The following RSF1 variants were observed in gnomAD, a reference collection of about 807,000 sequenced individuals.
RSF1 encodes HBV pX-associated protein 8.
Under a neutral mutation model 145.2 loss-of-function variants are expected in RSF1, and 13 were observed. The ratio of observed to expected loss-of-function variants is 0.09; its 90% CI spans 0.06 to 0.14. RSF1 has a LOEUF of 0.14. Among genes scored for constraint, RSF1 ranks in the 10% least tolerant of loss-of-function variants. The probability of loss-of-function intolerance (pLI) is 1.00; values close to 1 mark genes in which losing one functional copy is unlikely to be tolerated. For missense variants in RSF1, 1,517 were observed against 1,718.2 expected (o/e 0.88, Z 2.07); for synonymous variants, 577 against 592.6 (o/e 0.97, Z 0.38).
At chr11:77,808,108 C>A (rs1283245555) in intron 1 of RSF1, among the ~76,000 whole-genome samples, 1 of 151,984 alleles carries the variant, frequency 6.6e-6, no homozygotes, top group Non-Finnish European at 1.5e-5. Context: ...CCAAGGCAGG[C>A]GAATCACTTG....
intron 5 of RSF1, among the ~76,000 whole-genome samples, chr11:77,721,846 T>C (rs1960947485): frequency 6.6e-6 from 1 of 151,968 alleles, no homozygotes; most frequent in Non-Finnish European, 1.5e-5. Flanking sequence ...ATAAGAAACA[T>C]TTTGTTGTTA....
the RSF1 span, among the ~76,000 whole-genome samples, chr11:77,859,687 C>A: frequency 6.6e-6 from 1 of 152,180 alleles, no homozygotes; most frequent in African/African-American, 2.4e-5. Flanking sequence ...CATCAGTATA[C>A]AAGTTGAGGT....
At chr11:77,868,998 G>A in the RSF1 span, 479 of 322,284 alleles carry the variant, frequency 1.5e-3, 12 homozygotes, top group Non-Finnish European at 3.9e-4. Flanking sequence ...GGGTAATACC[G>A]TAGACTCTTC....
At chr11:77,808,680 C>T (rs1417997724) in intron 1 of RSF1, among the ~76,000 whole-genome samples, 1 of 134,716 alleles carries the variant, frequency 7.4e-6, no homozygotes, top group Admixed American at 7.7e-5. Context: ...ACTACAGGCG[C>T]CCGCCACTAC....
chr11:77,740,656 TAAC>T lies in RSF1; in HGVS notation c.578+72_578+74del. On this transcript the variant is annotated intron_variant, in intron 4 of 15. Coordinates refer to ENST00000308488, the MANE Select transcript of RSF1 (RefSeq NM_016578.4). ...CAAAAAACCACTTCTGTCTGATAGA[TAAC>T]ATCCTAGTTTTGAAACGAGATCAAT... 9 of 1,385,752 alleles carry T rather than the reference TAAC, an allele frequency of 6.5e-6. 1 individual carries two copies. In the South Asian group the frequency reaches 1.1e-4, roughly 17 times the overall value. 85.8% of individuals were successfully genotyped at this position (1,385,752 alleles called of 1,614,324 possible).
chr11:77,834,441 G>GTTTTT, the RSF1 span, among the ~76,000 whole-genome samples: 101 of 105,472 alleles, frequency 9.6e-4, 1 homozygote, highest in Non-Finnish European at 1.2e-3. Context: ...AGTTGATTTT[G>GTTTTT]TTTTTTTTTT....
At chr11:77,694,315 C>G (rs1222132792) in intron 7 of RSF1, among the ~76,000 whole-genome samples, 2 of 152,110 alleles carry the variant, frequency 1.3e-5, no homozygotes, top group Admixed American at 1.3e-4. Flanking sequence ...ATTTCAATTA[C>G]TTACCTGTAA....
chr11:77,791,653 T>C (rs1948518587), intron 1 of RSF1, among the ~76,000 whole-genome samples: 1 of 152,166 alleles, frequency 6.6e-6, no homozygotes, highest in Non-Finnish European at 1.5e-5. Context: ...CCCTAAATCA[T>C]TTCTCTAAAG....
intron 6 of RSF1, among the ~76,000 whole-genome samples, chr11:77,699,186 T>C (rs952547578): frequency 1.3e-5 from 2 of 152,198 alleles, no homozygotes; most frequent in Non-Finnish European, 2.9e-5. Flanking sequence ...TTCTCACATA[T>C]TTTCATGTAA....
intron 1 of RSF1, among the ~76,000 whole-genome samples, chr11:77,787,368 A>C (rs1948467376): frequency 6.6e-6 from 1 of 152,238 alleles, no homozygotes; most frequent in Non-Finnish European, 1.5e-5. Context: ...TTACATTATT[A>C]AATGGCTGAA....
chr11:77,834,914 A>G, the RSF1 span, among the ~76,000 whole-genome samples: 2 of 152,214 alleles, frequency 1.3e-5, no homozygotes, highest in African/African-American at 4.8e-5. Flanking sequence ...AGTGGAATAC[A>G]GAAGTTAAAA....
intron 2 of RSF1, among the ~76,000 whole-genome samples, chr11:77,748,512 G>A (rs938721195): frequency 6.6e-6 from 1 of 151,850 alleles, no homozygotes; most frequent in Admixed American, 6.6e-5. Context: ...TCCTCTGGCT[G>A]ACAGTGTTAC....
At position 77,692,233 on chromosome 11, in the gene RSF1, ATTTTTTTTTTTTTT is replaced by A. The variant is rs71046904; in HGVS notation, c.2821-1009_2821-996del. Among the ~76,000 whole-genome samples, 251 of 49,484 alleles carry A rather than the reference ATTTTTTTTTTTTTT, an allele frequency of 5.1e-3. 39 individuals carry two copies. The highest frequency in any genetic ancestry group is 0.031 in the African/African-American group (243 of 7,854). The allele number at this position is 49,484 out of a possible 152,430, so 32.5% of individuals were successfully genotyped here. ...AAAAAATAATTATTACTACTTTTAA[ATTTTTTTTTTTTTT>A]TTTTTTTTTTTTTTTGAGACGGAGT... is the stretch of plus-strand genomic sequence containing the variant. On this transcript the variant is annotated intron_variant, in intron 8 of 15. Coordinates refer to ENST00000308488, the MANE Select transcript of RSF1 (RefSeq NM_016578.4).
intron 1 of RSF1, among the ~76,000 whole-genome samples, chr11:77,806,304 T>A (rs1271165087): frequency 3.3e-5 from 5 of 151,938 alleles, no homozygotes; most frequent in Non-Finnish European, 5.9e-5. Flanking sequence ...AATAAAAAAT[T>A]GAATTTTTAA....
chr11:77,825,006 A>G (rs1011563680), upstream of RSF1, among the ~76,000 whole-genome samples: 1 of 152,048 alleles, frequency 6.6e-6, no homozygotes, highest in African/African-American at 2.4e-5. Context: ...TTTGAGACAG[A>G]GTCTCACTCT....
At chr11:77,857,295 C>T in the RSF1 span, among the ~76,000 whole-genome samples, 1 of 152,126 alleles carries the variant, frequency 6.6e-6, no homozygotes, top group Admixed American at 6.5e-5. Flanking sequence ...GGATCTTTGA[C>T]CTGACTCTTG....
intron 5 of RSF1, among the ~76,000 whole-genome samples, chr11:77,721,989 A>G (rs1417557083): frequency 6.6e-6 from 1 of 152,184 alleles, no homozygotes; most frequent in East Asian, 1.9e-4. Context: ...CCTGGGCAAC[A>G]AAGTGAGACC....
At chr11:77,808,229 G>A (rs1243370360) in intron 1 of RSF1, among the ~76,000 whole-genome samples, 2 of 151,942 alleles carry the variant, frequency 1.3e-5, no homozygotes, top group Admixed American at 1.3e-4. Flanking sequence ...AGCTATTCAG[G>A]AGGCTGAGGC....
At chr11:77,681,585 A>G (rs935346387) in intron 11 of RSF1, among the ~76,000 whole-genome samples, 2 of 152,132 alleles carry the variant, frequency 1.3e-5, no homozygotes, top group African/African-American at 4.8e-5. Flanking sequence ...CAGCCAATTT[A>G]TGTGCAATTT....
Sources: allele counts gnomAD v4.1 joint callset (sites outside exome capture counted in the v4.1 genomes callset), GRCh38; gene constraint gnomAD v4.1.1; transcripts MANE v1.5; gene names NCBI Gene and HGNC (gene_info 2026-07-23, HGNC 2026-07-21).